Variants in ATF7IP2 observed in about 807,000 individuals in gnomAD.
ATF7IP2 encodes the protein activating transcription factor 7 interacting protein 2, also known as activating transcription factor 7-interacting protein 2.
Under a neutral mutation model 64.2 loss-of-function variants are expected in ATF7IP2, and 42 were observed. The observed-to-expected ratio is 0.65, with a 90% CI of 0.51 to 0.85. ATF7IP2 has a LOEUF of 0.85. ATF7IP2 is among the 40% of genes least tolerant of loss of function. ATF7IP2 has a pLI of 0.00. For missense variants in ATF7IP2, 933 were observed against 784.2 expected (o/e 1.19, Z -2.27); for synonymous variants, 308 against 272.8 (o/e 1.13, Z -1.27).
intron 5 of ATF7IP2, 34 bp from the exon 6 acceptor site, chr16:10,433,491 A>G: frequency 6.3e-7 from 1 of 1,587,640 alleles, no homozygotes; most frequent in Non-Finnish European, 8.6e-7. Context: ...TTTCTTTAAA[A>G]TATCTTTCTT....
intron 3 of ATF7IP2, among the ~76,000 whole-genome samples, chr16:10,425,636 G>A (rs1596478454): frequency 6.6e-6 from 1 of 152,134 alleles, no homozygotes; most frequent in Admixed American, 6.5e-5. Context: ...GCTCACATCT[G>A]TAATCCCAGC....
chr16:10,422,712 G>A (rs968783467), intron 3 of ATF7IP2, among the ~76,000 whole-genome samples: 11 of 152,216 alleles, frequency 7.2e-5, no homozygotes, highest in African/African-American at 2.2e-4. Context: ...TTCACAGATA[G>A]GACATTTATC....
At chr16:10,481,670 T>C (rs922901266) in intron 13 of ATF7IP2, among the ~76,000 whole-genome samples, 166 bp from the exon 14 acceptor site, 8 of 152,212 alleles carry the variant, frequency 5.3e-5, no homozygotes, top group Admixed American at 2.0e-4. Context: ...TATAGAAATC[T>C]TAAATCCAAA....
intron 13 of ATF7IP2, 136 bp from the exon 14 acceptor site, chr16:10,481,700 A>T (rs2050236442): frequency 1.4e-6 from 1 of 727,432 alleles, no homozygotes; most frequent in African/African-American, 1.8e-5. Flanking sequence ...TGCTTAAAGG[A>T]CTGGATCCAG....
chr16:10,447,545 CAA>C (rs2141965488), intron 8 of ATF7IP2: 1 of 152,322 alleles, frequency 6.6e-6, no homozygotes, highest in East Asian at 1.9e-4. Context: ...GTCACAATCA[CAA>C]GAGCACACCG....
intron 10 of ATF7IP2, among the ~76,000 whole-genome samples, chr16:10,472,725 A>G (rs1448267759): frequency 6.6e-6 from 1 of 151,944 alleles, no homozygotes; most frequent in Non-Finnish European, 1.5e-5. Flanking sequence ...GCATGGTGGC[A>G]GGTGCCTGTA....
At chr16:10,405,592 A>G (rs2047622090) in intron 1 of ATF7IP2, among the ~76,000 whole-genome samples, 2 of 152,180 alleles carry the variant, frequency 1.3e-5, no homozygotes, top group African/African-American at 2.4e-5. Flanking sequence ...CCTGCTGGAC[A>G]AAGGCCCAAG....
chr16:10,425,601 TG>T (rs2048068525), intron 3 of ATF7IP2, among the ~76,000 whole-genome samples: 1 of 152,006 alleles, frequency 6.6e-6, no homozygotes, highest in Non-Finnish European at 1.5e-5. Context: ...GATACAAAAA[TG>T]TTAAAAGTAG....
At chr16:10,398,037 G>T (rs1272797340) in intron 1 of ATF7IP2, among the ~76,000 whole-genome samples, 1 of 152,046 alleles carries the variant, frequency 6.6e-6, no homozygotes, top group Non-Finnish European at 1.5e-5. Context: ...GGGCATGGTG[G>T]CTCAAGCTTG....
chr16:10,434,533 TAAGGGAAAATA>T (rs1266207675), intron 6 of ATF7IP2, among the ~76,000 whole-genome samples: 1 of 151,934 alleles, frequency 6.6e-6, no homozygotes, highest in Non-Finnish European at 1.5e-5. Context: ...CACCTAATAA[TAAGGGAAAATA>T]AAGGGAAAGA....
At chr16:10,437,178 G>A (rs2048449518) in intron 6 of ATF7IP2, among the ~76,000 whole-genome samples, 1 of 151,954 alleles carries the variant, frequency 6.6e-6, no homozygotes, top group Middle Eastern at 3.2e-3. Context: ...CTGCCACCAT[G>A]CCTGGCTAAT....
intron 2 of ATF7IP2, among the ~76,000 whole-genome samples, chr16:10,417,310 A>G (rs543546448): frequency 1.3e-5 from 2 of 152,296 alleles, no homozygotes; most frequent in Admixed American, 6.5e-5. Flanking sequence ...AAACCCATCA[A>G]CCACGTATAT....
intron 1 of ATF7IP2, among the ~76,000 whole-genome samples, chr16:10,403,673 A>C (rs1215033437): frequency 6.6e-6 from 1 of 152,206 alleles, no homozygotes; most frequent in Non-Finnish European, 1.5e-5. Context: ...AACTTAATGA[A>C]ATGCAAGGGA....
At chr16:10,437,078 G>C (rs1218149817) in intron 6 of ATF7IP2, among the ~76,000 whole-genome samples, 1 of 150,432 alleles carries the variant, frequency 6.6e-6, no homozygotes, top group East Asian at 1.9e-4. Flanking sequence ...CTGGAGTACA[G>C]TGGTGTGATC....
chr16:10,465,634 G>C (rs987102932), intron 9 of ATF7IP2, among the ~76,000 whole-genome samples: 4 of 150,082 alleles, frequency 2.7e-5, no homozygotes, highest in African/African-American at 7.4e-5. Flanking sequence ...AGCTACTCAG[G>C]AGGCTGAGGC....
At chr16:10,409,028 A>G (rs2047698988) in intron 1 of ATF7IP2, among the ~76,000 whole-genome samples, 1 of 152,242 alleles carries the variant, frequency 6.6e-6, no homozygotes, top group Admixed American at 6.5e-5. Context: ...TGCTCATGTC[A>G]TTCACGATCA....
At chr16:10,468,721 T>G (rs887869436) in intron 9 of ATF7IP2, among the ~76,000 whole-genome samples, 1 of 152,230 alleles carries the variant, frequency 6.6e-6, no homozygotes, top group Non-Finnish European at 1.5e-5. Flanking sequence ...CAGATCTGTA[T>G]GCAAAGGATG....
chr16:10,439,735 T>C (rs982871174), intron 7 of ATF7IP2, among the ~76,000 whole-genome samples: 1 of 150,180 alleles, frequency 6.7e-6, no homozygotes, highest in African/African-American at 2.4e-5. Context: ...GGTTTCTCCA[T>C]GTTGGTCAGG....
intron 1 of ATF7IP2, among the ~76,000 whole-genome samples, chr16:10,407,585 T>C (rs1052775481): frequency 1.3e-5 from 2 of 152,222 alleles, no homozygotes; most frequent in African/African-American, 4.8e-5. Flanking sequence ...TAACAGTGAA[T>C]GATATGTAAA....
Sources: gnomAD v4.1 joint callset for allele counts (sites outside exome capture counted in the v4.1 genomes callset) on GRCh38, gnomAD v4.1.1 for gene constraint, MANE v1.5 for transcripts, NCBI Gene and HGNC (gene_info 2026-07-23, HGNC 2026-07-21) for gene names.